UNC5D: variants seen among roughly 807,000 people sequenced by gnomAD.
UNC5D encodes the protein unc-5 netrin receptor D.
A neutral mutation model predicts 105.4 loss-of-function variants in UNC5D; 39 were observed. The observed-to-expected ratio is 0.37, with a 90% CI of 0.29 to 0.48. The LOEUF (loss-of-function observed/expected upper bound fraction) is 0.48. Among genes scored for constraint, UNC5D ranks in the 20% least tolerant of loss-of-function variants. The probability of loss-of-function intolerance (pLI) is 0.98; values close to 1 mark genes in which losing one functional copy is unlikely to be tolerated. For missense variants in UNC5D, 991 were observed against 1,202.4 expected (o/e 0.82, Z 2.60); for synonymous variants, 452 against 450.4 (o/e 1.00, Z -0.04).
chr8:35,769,199 G>T (rs1420863691), intron 15 of UNC5D, among the ~76,000 whole-genome samples: 1 of 152,120 alleles, frequency 6.6e-6, no homozygotes, highest in African/African-American at 2.4e-5. Flanking sequence ...AGTCTCAAAG[G>T]CATGAACTTT....
At chr8:35,641,366 C>CAAAAAAAAAAAAAAAA (rs377021599) in intron 4 of UNC5D, among the ~76,000 whole-genome samples, 54 of 44,272 alleles carry the variant, frequency 1.2e-3, no homozygotes, top group East Asian at 2.5e-3. Flanking sequence ...AAAAATAAAG[C>CAAAAAAAAAAAAAAAA]AAAAAAAAAA....
Position 35,235,840 on chromosome 8 carries a change from C to G in UNC5D, c.56C>G (p.Pro19Arg), listed in dbSNP as rs887369538. ...GGGGGARRWL[P>R]WLGLCFWAAG... The stretch of plus-strand genomic sequence containing the variant: ...GGCGGAGGGGCGCGCCGCTGGCTCC[C>G]GTGGCTGGGGCTGTGCTTCTGGGCG... Residue 19 changes from proline (P) to arginine (R), a missense_variant, in exon 1 of 17, where the codon CCG becomes CGG. Transcript: ENST00000404895. 4 of 1,230,450 alleles carry G rather than the reference C, an allele frequency of 3.3e-6. No individual in the cohort carries two copies. The highest frequency in any genetic ancestry group is 1.6e-5 in the African/African-American group (1 of 64,418). The allele number at this position is 1,230,450 out of a possible 1,614,324, so 76.2% of individuals were successfully genotyped here.
chr8:35,444,342 C>G (rs912685734), intron 1 of UNC5D, among the ~76,000 whole-genome samples: 3 of 152,060 alleles, frequency 2.0e-5, no homozygotes, highest in Non-Finnish European at 4.4e-5. Flanking sequence ...TGAGATTACT[C>G]TAAACATTTA....
intron 1 of UNC5D, among the ~76,000 whole-genome samples, chr8:35,358,603 A>G (rs1004876234): frequency 8.5e-5 from 13 of 152,150 alleles, no homozygotes; most frequent in African/African-American, 2.7e-4. Context: ...ATGTTTACCT[A>G]TTTAACAAAT....
chr8:35,466,596 A>G (rs1049736191), intron 1 of UNC5D, among the ~76,000 whole-genome samples: 1 of 152,152 alleles, frequency 6.6e-6, no homozygotes, highest in Non-Finnish European at 1.5e-5. Context: ...AGTCATTTCT[A>G]TTATCCCATG....
intron 1 of UNC5D, among the ~76,000 whole-genome samples, chr8:35,272,682 A>AG (rs1491192594): frequency 6.6e-6 from 1 of 152,180 alleles, no homozygotes; most frequent in Non-Finnish European, 1.5e-5. Context: ...TAGTGGACTC[A>AG]GGGGTGCTGT....
intron 1 of UNC5D, among the ~76,000 whole-genome samples, chr8:35,432,822 G>T (rs1169780962): frequency 6.6e-6 from 1 of 152,134 alleles, no homozygotes; most frequent in Admixed American, 6.6e-5. Flanking sequence ...GGAGTACTTT[G>T]ATCTGCTATC....
At chr8:35,601,939 A>C (rs1819913916) in intron 4 of UNC5D, among the ~76,000 whole-genome samples, 2 of 152,178 alleles carry the variant, frequency 1.3e-5, no homozygotes, top group African/African-American at 4.8e-5. Context: ...TGGGTTCCTC[A>C]TAGATAGCTC....
chr8:35,344,994 C>A (rs1811704365), intron 1 of UNC5D, among the ~76,000 whole-genome samples: 1 of 151,920 alleles, frequency 6.6e-6, no homozygotes, highest in South Asian at 2.1e-4. Flanking sequence ...TGTGTCTAGC[C>A]TGTAGGTTAA....
At position 35,791,325 on chromosome 8, in the gene UNC5D, T is replaced by C. The variant is rs1437777979; in HGVS notation, c.*762T>C. On this transcript the variant is annotated 3_prime_UTR_variant, in exon 17 of 17. Transcript: ENST00000404895. The stretch of plus-strand genomic sequence containing the variant: ...TGTCAATACGGAAAGTTGTTTTTTC[T>C]AACACAACAAAGTGGGACCATCTCT... 6.6e-6 allele frequency: 1 copy of C among 152,536 alleles called. No individual in the cohort carries two copies. Among genetic ancestry groups the C allele is most frequent in the African/African-American group, 2.4e-5 (1 of 41,444 alleles). The allele number at this position is 152,536 out of a possible 1,614,324, so 9.4% of individuals were successfully genotyped here.
chr8:35,289,414 G>A (rs1054506298), intron 1 of UNC5D, among the ~76,000 whole-genome samples: 1 of 152,124 alleles, frequency 6.6e-6, no homozygotes, highest in Admixed American at 6.5e-5. Flanking sequence ...AATAGCAGGG[G>A]AATCTGAACA....
chr8:35,495,455 CAACAAAA>C (rs1811501561), intron 1 of UNC5D, among the ~76,000 whole-genome samples: 4 of 32,428 alleles, frequency 1.2e-4, no homozygotes, highest in African/African-American at 4.0e-4. Context: ...ACAACAACAA[CAACAAAA>C]AAAAAAAAAA....
chr8:35,545,737 A>G (rs1027869115), intron 1 of UNC5D, among the ~76,000 whole-genome samples: 1 of 152,130 alleles, frequency 6.6e-6, no homozygotes, highest in Admixed American at 6.6e-5. Flanking sequence ...ATATATACCT[A>G]CAATCCCTCA....
intron 4 of UNC5D, among the ~76,000 whole-genome samples, chr8:35,664,126 A>C (rs557232548): frequency 6.6e-6 from 1 of 152,170 alleles, no homozygotes; most frequent in Non-Finnish European, 1.5e-5. Flanking sequence ...AGTCAGATAT[A>C]TTTAAAGGGC....
intron 2 of UNC5D, 87 bp downstream of exon 2, chr8:35,549,597 C>G: frequency 7.8e-7 from 1 of 1,284,312 alleles, no homozygotes; most frequent in Non-Finnish European, 1.1e-6. Context: ...GGAAATCACC[C>G]CCCATTGCCT....
chr8:35,549,334 C>T lies in UNC5D; in HGVS notation c.146C>T (p.Ala49Val). Residue 49 changes from alanine to valine, a missense_variant, in exon 2 of 17, where the codon GCT becomes GTT. By Grantham distance (64) the Ala-to-Val change is moderately conservative. Coordinates refer to ENST00000404895, the MANE Select transcript of UNC5D (RefSeq NM_080872.4). ...GCCCTTCCCGAATCCATCCCATCAG[C>T]TCCTGGGACACTGCCTCATTTCATA... ...GEALPESIPSAPGTLPHFIEE... is the reference protein window; with the variant it reads ...GEALPESIPSVPGTLPHFIEE... The T allele has an allele frequency of 6.2e-7, 1 of 1,613,504 alleles. No homozygotes were observed. Among genetic ancestry groups the T allele is most frequent in the Non-Finnish European group, 8.5e-7 (1 of 1,180,046 alleles).
chr8:35,505,423 T>G (rs2589349), intron 1 of UNC5D, among the ~76,000 whole-genome samples: 37,684 of 152,158 alleles, frequency 0.25, 5,142 homozygotes, highest in African/African-American at 0.38. Context: ...AAAAATAGCT[T>G]GAGGCTCATG....
intron 14 of UNC5D, among the ~76,000 whole-genome samples, chr8:35,765,530 G>A (rs1801726421): frequency 6.6e-6 from 1 of 152,124 alleles, no homozygotes; most frequent in African/African-American, 2.4e-5. Flanking sequence ...CCTTAAAGCT[G>A]GCTTTCCTCT....
intron 4 of UNC5D, among the ~76,000 whole-genome samples, chr8:35,677,010 T>C (rs1825280444): frequency 6.6e-6 from 1 of 152,028 alleles, no homozygotes; most frequent in African/African-American, 2.4e-5. Flanking sequence ...ATGAAAAATA[T>C]AAGATCTGAC....
Sources: gnomAD v4.1 joint callset for allele counts (sites outside exome capture counted in the v4.1 genomes callset) on GRCh38, gnomAD v4.1.1 for gene constraint, MANE v1.5 for transcripts, NCBI Gene and HGNC (gene_info 2026-07-23, HGNC 2026-07-21) for gene names.